OVOL2: variants seen among roughly 807,000 people sequenced by gnomAD.
OVOL2 encodes transcription factor Ovo-like 2.
OVOL2 carries 13 observed loss-of-function variants against 18.1 expected under a neutral mutation model. The ratio of observed to expected loss-of-function variants is 0.72; its 90% confidence interval spans 0.47 to 1.14. OVOL2 has a LOEUF of 1.14. OVOL2 is among the 50% of genes most tolerant of loss of function. The pLI is 0.00. For missense variants in OVOL2, 335 were observed against 383.0 expected, an observed-to-expected ratio of 0.87 and a Z score of 1.05; for synonymous variants, 166 against 162.7, an observed-to-expected ratio of 1.02 and a Z score of -0.16.
In OVOL2 at chr20:18,056,221, C is replaced by T. The variant is rs1458046946; in HGVS notation, c.321+436G>A. Among the ~76,000 whole-genome samples, 1 of 152,186 alleles carries T rather than the reference C, an allele frequency of 6.6e-6. No individual in the cohort carries two copies. Among genetic ancestry groups the T allele is most frequent in the Non-Finnish European group, 1.5e-5 (1 of 68,038 alleles). On this transcript the variant is annotated intron_variant, in intron 2 of 3. Coordinates refer to ENST00000278780, the MANE Select transcript of OVOL2 (RefSeq NM_021220.4). The surrounding 1 kb of genome is among the most constrained non-coding windows in gnomAD (Gnocchi z 4.2). The stretch of plus-strand genomic sequence containing the variant: ...AGCATGGGGGGTGAACTCTCAGAAT[C>T]GCGGCGCCAGGAACTGCGTCCCAGA...
chr20:18,026,523 A>G (rs534699865), intron 3 of OVOL2, among the ~76,000 whole-genome samples: 60 of 152,030 alleles, frequency 3.9e-4, no homozygotes, highest in Non-Finnish European at 7.1e-4. Context: ...CTGGAACTAC[A>G]GGCACCCGCC....
At chr20:18,038,226 TAC>T (rs11468659) in intron 3 of OVOL2, among the ~76,000 whole-genome samples, 44,966 of 152,022 alleles carry the variant, frequency 0.3, 8,383 homozygotes, top group African/African-American at 0.52. Context: ...TAGGGCCTGT[TAC>T]ACATCAGGTC....
intron 2 of OVOL2, chr20:18,050,734 A>G (rs1405775357): frequency 6.6e-6 from 1 of 152,154 alleles, no homozygotes; most frequent in African/African-American, 2.4e-5. Flanking sequence ...ATGTCTGGGA[A>G]CTGTTGACTT....
In OVOL2 at chr20:18,057,790, C is replaced by T. The variant is rs575556880; in HGVS notation, c.-156G>A. ...ACCCCCCGCCGCGGCGCGGCCCAGG[C>T]CTCTCCCCCGCACGCCTGGCGACTC... is the stretch of plus-strand genomic sequence containing the variant. On this transcript the variant is annotated 5_prime_UTR_variant, in exon 1 of 4. Transcript: ENST00000278780. The surrounding 1 kb of genome is among the most constrained non-coding windows in gnomAD (Gnocchi z 6.3). 4 of 1,385,872 alleles carry T rather than the reference C, an allele frequency of 2.9e-6. No homozygotes were observed. Among genetic ancestry groups the T allele is most frequent in the African/African-American group, 1.5e-5 (1 of 65,078 alleles). The allele number at this position is 1,385,872 out of a possible 1,614,324, so 85.8% of individuals were successfully genotyped here.
At chr20:18,054,644 A>G (rs1045914049) in intron 2 of OVOL2, among the ~76,000 whole-genome samples, 5 of 152,050 alleles carry the variant, frequency 3.3e-5, no homozygotes, top group African/African-American at 1.2e-4. Context: ...CGGAAGGCTG[A>G]GGCAGGAGAA....
chr20:18,051,193 T>C (rs1376956599), intron 2 of OVOL2, among the ~76,000 whole-genome samples: 1 of 151,810 alleles, frequency 6.6e-6, no homozygotes, highest in African/African-American at 2.4e-5. Context: ...CTGGGCAACA[T>C]AGTGAGGCCC....
chr20:18,030,361 G>A (rs1000978648), intron 3 of OVOL2, among the ~76,000 whole-genome samples: 4 of 152,130 alleles, frequency 2.6e-5, no homozygotes, highest in Admixed American at 6.5e-5. Context: ...AGAAATAACC[G>A]ACTACTGTTT....
chr20:18,056,226 C>T lies in OVOL2; in HGVS notation c.321+431G>A, dbSNP rs1000199117. Reference sequence around the variant, plus strand: ...GGGGGGTGAACTCTCAGAATCGCGGCGCCAGGAACTGCGTCCCAGAGGGTG... The same window carrying T: ...GGGGGGTGAACTCTCAGAATCGCGGTGCCAGGAACTGCGTCCCAGAGGGTG... On this transcript the variant is annotated intron_variant, in intron 2 of 3. Transcript: ENST00000278780. The surrounding 1 kb of genome is among the most constrained non-coding windows in gnomAD (Gnocchi z 4.2). 6.6e-6 allele frequency among the ~76,000 whole-genome samples: 1 copy of T among 152,180 alleles called. No individual in the cohort carries two copies. Among genetic ancestry groups the T allele is most frequent in the South Asian group, 2.1e-4 (1 of 4,828 alleles).
Position 18,027,284 on chromosome 20 carries a change from T to C in OVOL2, c.512-2332A>G, listed in dbSNP as rs763713207. On this transcript the variant is annotated intron_variant, in intron 3 of 3. Coordinates refer to ENST00000278780, the MANE Select transcript of OVOL2 (RefSeq NM_021220.4). ...GACTCACACCTGTGATCCCAGCACTTTGGGAGGCTGACGTGGGCGGATCAC... is the reference window on the plus strand; with the variant it reads ...GACTCACACCTGTGATCCCAGCACTCTGGGAGGCTGACGTGGGCGGATCAC... 2.6e-5 allele frequency among the ~76,000 whole-genome samples: 4 copies of C among 152,010 alleles called. No homozygotes were observed. The East Asian group carries it at 7.8e-4, about 30-fold the overall frequency.
In OVOL2 at chr20:18,024,411, G is replaced by T; in HGVS notation, c.*225C>A. 1.1e-6 allele frequency: 1 copy of T among 897,028 alleles called. No individual in the cohort carries two copies. Among genetic ancestry groups the T allele is most frequent in the Non-Finnish European group, 1.5e-6 (1 of 658,062 alleles). 55.6% of individuals were successfully genotyped at this position (897,028 alleles called of 1,614,324 possible). ...CAGGATCATGAAAACAAACTTTGGT[G>T]AATGTGAGCAACTGCGCCAGACAGG... On this transcript the variant is annotated 3_prime_UTR_variant, in exon 4 of 4. Coordinates refer to ENST00000278780, the MANE Select transcript of OVOL2 (RefSeq NM_021220.4).
intron 2 of OVOL2, among the ~76,000 whole-genome samples, chr20:18,055,220 GGA>G (rs773604722): frequency 3.3e-5 from 5 of 152,178 alleles, no homozygotes; most frequent in Non-Finnish European, 7.3e-5. Flanking sequence ...TTAAGAGACT[GGA>G]TGAGAATCTG....
chr20:18,032,565 G>A (rs1174313512), intron 3 of OVOL2, among the ~76,000 whole-genome samples: 1 of 152,096 alleles, frequency 6.6e-6, no homozygotes, highest in Non-Finnish European at 1.5e-5. Context: ...GGGGTGCAGT[G>A]GCACCATCTC....
intron 3 of OVOL2, among the ~76,000 whole-genome samples, chr20:18,026,543 A>G (rs1286728488): frequency 7.2e-5 from 11 of 152,104 alleles, no homozygotes; most frequent in East Asian, 5.8e-4. Context: ...CACCACGCCC[A>G]GCTAATTTTT....
intron 2 of OVOL2, among the ~76,000 whole-genome samples, chr20:18,045,351 C>A (rs570508049): frequency 6.6e-6 from 1 of 152,288 alleles, no homozygotes; most frequent in Admixed American, 6.5e-5. Context: ...TAAAAACCTG[C>A]AACTGTCTTT....
In OVOL2 at chr20:18,024,541, A is replaced by G; in HGVS notation, c.*95T>C. ...CACAGAGGTGAACTGGTCACTTCTA[A>G]TTAAGAAGAGCCAGTGGGGTGGGGG... On this transcript the variant is annotated 3_prime_UTR_variant, in exon 4 of 4. Transcript: ENST00000278780. 1 of 1,462,146 alleles carries G rather than the reference A, an allele frequency of 6.8e-7. No homozygotes were observed. Among genetic ancestry groups the G allele is most frequent in the South Asian group, 1.4e-5 (1 of 69,082 alleles). 90.6% of individuals were successfully genotyped at this position (1,462,146 alleles called of 1,614,324 possible). A position where few individuals can be genotyped will look rare whatever the true frequency, so the allele number is the denominator to read the frequency against.
intron 3 of OVOL2, among the ~76,000 whole-genome samples, chr20:18,035,329 T>C (rs1363462282): frequency 6.6e-6 from 1 of 152,168 alleles, no homozygotes; most frequent in Non-Finnish European, 1.5e-5. Flanking sequence ...CATGTGCCTA[T>C]AATCCCAGCT....
At chr20:18,031,563 C>G (rs1473028627) in intron 3 of OVOL2, among the ~76,000 whole-genome samples, 2 of 151,966 alleles carry the variant, frequency 1.3e-5, no homozygotes, top group African/African-American at 4.8e-5. Context: ...GGTAACGGAG[C>G]GAGACTCTAT....
chr20:18,026,620 A>T (rs2036520837), intron 3 of OVOL2, among the ~76,000 whole-genome samples: 1 of 152,094 alleles, frequency 6.6e-6, no homozygotes, highest in Non-Finnish European at 1.5e-5. Flanking sequence ...TGACCTTGTG[A>T]TCTGCCCCCC....
chr20:18,025,989 C>T (rs1436398806), intron 3 of OVOL2, among the ~76,000 whole-genome samples: 3 of 152,244 alleles, frequency 2.0e-5, no homozygotes, highest in African/African-American at 7.2e-5. Flanking sequence ...GGCAGATGCC[C>T]AGGCCATTGG....
Sources: gnomAD v4.1 joint callset for allele counts (sites outside exome capture counted in the v4.1 genomes callset) on GRCh38, gnomAD v4.1.1 for gene constraint, Gnocchi (gnomAD v3.1) non-coding constraint, MANE v1.5 for transcripts, NCBI Gene and HGNC (gene_info 2026-07-23, HGNC 2026-07-21) for gene names.